PTPRT: variants seen among roughly 807,000 people sequenced by gnomAD.
PTPRT encodes the protein receptor-type tyrosine-protein phosphatase T.
Under a neutral mutation model 176.8 loss-of-function variants are expected in PTPRT, and 56 were observed. The observed-to-expected ratio is 0.32, with a 90% CI of 0.26 to 0.40. The LOEUF (loss-of-function observed/expected upper bound fraction) is 0.40, where lower values mean the gene tolerates loss of function less well. Among genes scored for constraint, PTPRT ranks in the 10% least tolerant of loss-of-function variants. PTPRT has a pLI of 1.00. For synonymous variants in PTPRT, 783 were observed against 739.0 expected (o/e 1.06, Z -0.96); for missense variants, 1,540 against 1,908.2 (o/e 0.81, Z 3.60).
chr20:42,237,769 T>C (rs1275713309), intron 14 of PTPRT, among the ~76,000 whole-genome samples: 5 of 152,232 alleles, frequency 3.3e-5, no homozygotes, highest in Non-Finnish European at 7.3e-5. Flanking sequence ...AGTGTTCTTA[T>C]TTCACATCAG....
chr20:42,957,035 G>A (rs1461402558), intron 1 of PTPRT, among the ~76,000 whole-genome samples: 2 of 152,140 alleles, frequency 1.3e-5, no homozygotes, highest in Non-Finnish European at 2.9e-5. Flanking sequence ...TTCATTGGGA[G>A]ATTCAACCAC....
chr20:42,157,650 A>T (rs1047980108), intron 17 of PTPRT, among the ~76,000 whole-genome samples: 2 of 152,038 alleles, frequency 1.3e-5, no homozygotes, highest in Admixed American at 1.3e-4. Flanking sequence ...CTTGCTCTGC[A>T]TGCTCCTCTA....
chr20:43,160,331 G>A (rs1299684686), intron 1 of PTPRT, among the ~76,000 whole-genome samples: 1 of 152,210 alleles, frequency 6.6e-6, no homozygotes, highest in Non-Finnish European at 1.5e-5. Flanking sequence ...ACACAAATAA[G>A]TCCAGTTGAT....
At chr20:43,064,328 C>G (rs1414308186) in intron 1 of PTPRT, among the ~76,000 whole-genome samples, 2 of 152,120 alleles carry the variant, frequency 1.3e-5, no homozygotes, top group African/African-American at 4.8e-5. Flanking sequence ...ATCTTTAGTC[C>G]TGAATGACTG....
intron 1 of PTPRT, among the ~76,000 whole-genome samples, chr20:43,151,937 A>G (rs2146422531): frequency 6.6e-6 from 1 of 152,288 alleles, no homozygotes; most frequent in South Asian, 2.1e-4. Flanking sequence ...TCTCCTGAAG[A>G]TGGAGAAGAA....
intron 14 of PTPRT, 83 bp from the exon 15 acceptor site, chr20:42,236,341 T>G: frequency 8.4e-7 from 1 of 1,190,634 alleles, no homozygotes; most frequent in Non-Finnish European, 1.2e-6. Flanking sequence ...ATTAGATTTT[T>G]AATGAAATCT....
At position 42,141,988 on chromosome 20, in the gene PTPRT, C is replaced by A; in HGVS notation, c.2697G>T (p.Gly899=). Residue 899 remains glycine, a synonymous_variant, in exon 18 of 31, where the codon GGG becomes GGT. Coordinates refer to ENST00000373187, the MANE Select transcript of PTPRT (RefSeq NM_007050.6). The part of the protein sequence containing the change: ...FKEEYEALPE[G]QTASWDTAKE... ...TGGCTGTGTCCCACGAAGCTGTCTG[C>A]CCCTCTGGTAAGGCCTAAAAAGCAA... 1 of 1,614,038 alleles carries A rather than the reference C, an allele frequency of 6.2e-7. No individual in the cohort carries two copies. The highest frequency in any genetic ancestry group is 8.5e-7 in the Non-Finnish European group (1 of 1,179,930).
At chr20:42,708,146 G>C (rs1434952987) in intron 6 of PTPRT, among the ~76,000 whole-genome samples, 2 of 152,114 alleles carry the variant, frequency 1.3e-5, no homozygotes, top group African/African-American at 4.8e-5. Flanking sequence ...TCTTCTGATG[G>C]TATCTATGCC....
chr20:42,958,099 C>T (rs1029648903), intron 1 of PTPRT, among the ~76,000 whole-genome samples: 4 of 139,604 alleles, frequency 2.9e-5, no homozygotes, highest in African/African-American at 1.1e-4. Context: ...ACATAGCATG[C>T]TTGCTTGCAG....
At chr20:42,446,397 A>G (rs1162755747) in intron 9 of PTPRT, among the ~76,000 whole-genome samples, 1 of 152,178 alleles carries the variant, frequency 6.6e-6, no homozygotes. Context: ...GAAGTACCCT[A>G]GGTTAGTCCC....
chr20:42,744,038 G>A (rs895194059), intron 6 of PTPRT, among the ~76,000 whole-genome samples: 35 of 152,358 alleles, frequency 2.3e-4, no homozygotes, highest in Middle Eastern at 3.4e-3. Flanking sequence ...GCTGGAAGCT[G>A]GGTGAGGCCA....
At chr20:42,324,371 G>A (rs1426740867) in intron 11 of PTPRT, among the ~76,000 whole-genome samples, 1 of 152,152 alleles carries the variant, frequency 6.6e-6, no homozygotes, top group Non-Finnish European at 1.5e-5. Flanking sequence ...ACTGGAAGTG[G>A]AAATAGGAAT....
chr20:42,100,068 AC>A (rs1196893732), intron 26 of PTPRT, among the ~76,000 whole-genome samples: 4 of 152,184 alleles, frequency 2.6e-5, no homozygotes, highest in Non-Finnish European at 5.9e-5. Context: ...AAATACTCTG[AC>A]CCCGAGGACC....
At chr20:42,163,340 T>G (rs1011629210) in intron 16 of PTPRT, among the ~76,000 whole-genome samples, 1 of 152,112 alleles carries the variant, frequency 6.6e-6, no homozygotes, top group Non-Finnish European at 1.5e-5. Context: ...TTTCTAAGAT[T>G]TAGATTTATG....
intron 8 of PTPRT, among the ~76,000 whole-genome samples, chr20:42,464,930 TACTCATTCCTGAGGC>T (rs2077172169): frequency 6.6e-6 from 1 of 152,134 alleles, no homozygotes; most frequent in African/African-American, 2.4e-5. Context: ...TTAATAAAGG[TACTCATTCCTGAGGC>T]ATGTCAGTCT....
rs556097022 is a variant in PTPRT at position 43,122,557 on chromosome 20, G to A, written c.88+67089C>T. 1.0e-3 allele frequency among the ~76,000 whole-genome samples: 157 copies of A among 152,298 alleles called. 1 individual carries two copies. Among genetic ancestry groups the A allele is most frequent in the Admixed American group, 5.6e-3 (86 of 15,304 alleles). On this transcript the variant is annotated intron_variant, in intron 1 of 30. Transcript: ENST00000373187. ...TGGATCATGGGGGCAGATCCCTTAT[G>A]TATGGTTTAGCGCCATCCACTTGTT... is the stretch of plus-strand genomic sequence containing the variant.
chr20:42,203,190 C>A (rs1412018532), intron 15 of PTPRT, among the ~76,000 whole-genome samples: 1 of 152,136 alleles, frequency 6.6e-6, no homozygotes, highest in East Asian at 1.9e-4. Flanking sequence ...GGAAATAAAA[C>A]ACAAAACCAC....
the PTPRT span, among the ~76,000 whole-genome samples, chr20:42,060,071 A>G: frequency 6.6e-6 from 1 of 152,130 alleles, no homozygotes; most frequent in African/African-American, 2.4e-5. Flanking sequence ...TTGGCTTGGC[A>G]CTTTCTACAA....
intron 11 of PTPRT, among the ~76,000 whole-genome samples, chr20:42,333,535 T>C (rs181804573): frequency 6.6e-6 from 1 of 152,270 alleles, no homozygotes; most frequent in African/African-American, 2.4e-5. Context: ...GGTTTCACCA[T>C]GTTGGCCAGA....
Sources: allele counts gnomAD v4.1 joint callset (sites outside exome capture counted in the v4.1 genomes callset), GRCh38; gene constraint gnomAD v4.1.1; transcripts MANE v1.5; gene names NCBI Gene and HGNC (gene_info 2026-07-23, HGNC 2026-07-21).